Variants in SORD observed in about 807,000 individuals in gnomAD.
SORD encodes (R,R)-butanediol dehydrogenase.
In SORD, 18 loss-of-function variants were observed where a neutral mutation model predicts 35.6. The observed-to-expected ratio is 0.51, with a 90% confidence interval of 0.35 to 0.75. The LOEUF (loss-of-function observed/expected upper bound fraction) is 0.75, where lower values mean the gene tolerates loss of function less well. SORD is among the 30% of genes least tolerant of loss of function. SORD has a pLI of 0.01. For synonymous variants in SORD, 106 were observed against 152.9 expected, an observed-to-expected ratio of 0.69 and a Z score of 2.26; for missense variants, 250 against 390.2, an observed-to-expected ratio of 0.64 and a Z score of 3.03.
intron 3 of SORD, among the ~76,000 whole-genome samples, chr15:45,049,833 TA>T: frequency 6.6e-6 from 1 of 152,242 alleles, no homozygotes; most frequent in Non-Finnish European, 1.5e-5. Flanking sequence ...AGTTTTTAAG[TA>T]AAAACTTAAA....
chr15:45,033,931 A>G (rs1892820053), intron 1 of SORD, among the ~76,000 whole-genome samples: 1 of 152,134 alleles, frequency 6.6e-6, no homozygotes, highest in Non-Finnish European at 1.5e-5. Context: ...ATAAGAACTT[A>G]GTTTTGCTTT....
At chr15:45,023,783 T>TC (rs1892627376) in intron 1 of SORD, among the ~76,000 whole-genome samples, 1 of 152,204 alleles carries the variant, frequency 6.6e-6, no homozygotes, top group South Asian at 2.1e-4. Flanking sequence ...TGTATTTAAC[T>TC]CCCTTGCTTG....
chr15:45,062,589 AG>A (rs1893337639), intron 4 of SORD, among the ~76,000 whole-genome samples: 1 of 151,586 alleles, frequency 6.6e-6, no homozygotes, highest in East Asian at 1.9e-4. Flanking sequence ...GAGGAGTCAC[AG>A]GCCAGAGACC....
intron 3 of SORD, among the ~76,000 whole-genome samples, chr15:45,044,702 CTT>C (rs58726175): frequency 1.0e-3 from 117 of 114,476 alleles, no homozygotes; most frequent in Middle Eastern, 4.1e-3. Context: ...CTTTCTTTTT[CTT>C]TTTTTTTTTT....
intron 3 of SORD, among the ~76,000 whole-genome samples, chr15:45,058,218 G>T (rs2470659): frequency 0.94 from 143,697 of 152,174 alleles, 67,927 homozygotes; most frequent in Non-Finnish European, 0.97. Context: ...TAGTTCGGGG[G>T]CCTTCAGATA....
chr15:45,043,997 G>A (rs544187938), intron 3 of SORD, among the ~76,000 whole-genome samples: 10 of 152,356 alleles, frequency 6.6e-5, no homozygotes, highest in South Asian at 4.1e-4. Context: ...TGAGGCTGCT[G>A]TGCAGCCCGG....
intron 6 of SORD, among the ~76,000 whole-genome samples, chr15:45,068,448 A>AGAGTGT (rs1459581098): frequency 5.2e-5 from 6 of 116,042 alleles, no homozygotes; most frequent in African/African-American, 1.7e-4. Context: ...TGTGTGAGAG[A>AGAGTGT]GTGTGTGTGT....
At chr15:45,025,022 C>T (rs1892648580) in intron 1 of SORD, among the ~76,000 whole-genome samples, 1 of 152,228 alleles carries the variant, frequency 6.6e-6, no homozygotes, top group African/African-American at 2.4e-5. Flanking sequence ...GGCAGACTAC[C>T]TCTACTATGG....
intron 3 of SORD, among the ~76,000 whole-genome samples, chr15:45,049,960 A>C (rs1327849872): frequency 6.6e-6 from 1 of 152,256 alleles, no homozygotes; most frequent in African/African-American, 2.4e-5. Context: ...GTTGTTTGCA[A>C]AATAAACTTT....
chr15:45,039,727 T>C (rs546377646), intron 1 of SORD, among the ~76,000 whole-genome samples: 1 of 152,332 alleles, frequency 6.6e-6, no homozygotes, highest in African/African-American at 2.4e-5. Flanking sequence ...TATCAGTCTT[T>C]GTGCTGATGT....
intron 4 of SORD, among the ~76,000 whole-genome samples, chr15:45,061,839 A>C (rs1474308876): frequency 6.6e-6 from 1 of 152,040 alleles, no homozygotes; most frequent in African/African-American, 2.4e-5. Context: ...ACTGCACTCC[A>C]GCCTGGGCAA....
chr15:45,027,097 T>C (rs1892685084), intron 1 of SORD, among the ~76,000 whole-genome samples: 1 of 152,256 alleles, frequency 6.6e-6, no homozygotes, highest in African/African-American at 2.4e-5. Flanking sequence ...AGACCAGTGG[T>C]TTTCTTTTAT....
Position 45,061,228 on chromosome 15 carries a change from T to C in SORD, c.425+2T>C, listed in dbSNP as rs918801098. ...GCACAATGCAGCCTTTTGTTACAAG[T>C]TAGTGTCCACAGTCCCACTGGGTCA... On this transcript the variant is annotated splice_donor_variant, in intron 4 of 8. Transcript: ENST00000267814. LOFTEE classifies it high-confidence loss of function. 1.2e-6 allele frequency: 2 copies of C among 1,614,008 alleles called. No homozygotes were observed. Among genetic ancestry groups the C allele is most frequent in the African/African-American group, 2.7e-5 (2 of 74,928 alleles).
At chr15:45,048,135 C>G (rs1052948817) in intron 3 of SORD, among the ~76,000 whole-genome samples, 33 of 152,192 alleles carry the variant, frequency 2.2e-4, no homozygotes, top group African/African-American at 8.0e-4. Context: ...TTATTCCTAC[C>G]TGTCTCCCTT....
At chr15:45,029,990 C>A (rs1397066900) in intron 1 of SORD, among the ~76,000 whole-genome samples, 5 of 152,086 alleles carry the variant, frequency 3.3e-5, no homozygotes, top group Admixed American at 3.3e-4. Flanking sequence ...CAAAGGTGGG[C>A]AAAACAGTGT....
chr15:45,060,207 G>C (rs556757124), intron 3 of SORD, among the ~76,000 whole-genome samples: 220 of 152,320 alleles, frequency 1.4e-3, no homozygotes, highest in Middle Eastern at 3.4e-3. Flanking sequence ...GAAGGAGACA[G>C]AGATGAGACA....
intron 1 of SORD, among the ~76,000 whole-genome samples, chr15:45,031,094 G>A (rs1892776428): frequency 6.6e-6 from 1 of 152,244 alleles, no homozygotes; most frequent in Admixed American, 6.5e-5. Flanking sequence ...GGGAAGCTGA[G>A]GTGGGAGGAT....
At chr15:45,060,955 A>G in intron 3 of SORD, 112 bp from the exon 4 acceptor site, 1 of 1,544,358 alleles carries the variant, frequency 6.5e-7, no homozygotes, top group Non-Finnish European at 8.7e-7. Context: ...AGCCTTCATA[A>G]CATCTCTGCT....
At chr15:45,044,136 T>C (rs996504407) in intron 3 of SORD, among the ~76,000 whole-genome samples, 11 of 152,320 alleles carry the variant, frequency 7.2e-5, no homozygotes, top group Admixed American at 7.2e-4. Flanking sequence ...CAGGCATGTG[T>C]CTTGTTTAGG....
Sources: allele counts gnomAD v4.1 joint callset (sites outside exome capture counted in the v4.1 genomes callset), GRCh38; gene constraint gnomAD v4.1.1; transcripts MANE v1.5; gene names NCBI Gene and HGNC (gene_info 2026-07-23, HGNC 2026-07-21).